Variants in RELN observed in about 807,000 individuals in gnomAD.
RELN encodes reelin.
Under a neutral mutation model 427.6 loss-of-function variants are expected in RELN, and 108 were observed. That is an observed-to-expected ratio of 0.25 (90% CI 0.22 to 0.30). The LOEUF (loss-of-function observed/expected upper bound fraction) is 0.30, where lower values mean the gene tolerates loss of function less well. Among genes scored for constraint, RELN ranks in the 10% least tolerant of loss-of-function variants. RELN has a pLI of 1.00. For missense variants in RELN, 3,715 were observed against 4,302.8 expected (o/e 0.86, Z 3.82); for synonymous variants, 1,524 against 1,513.4 (o/e 1.01, Z -0.16).
intron 1 of RELN, among the ~76,000 whole-genome samples, chr7:103,975,213 GACA>G (rs1401951864): frequency 2.6e-5 from 4 of 152,158 alleles, no homozygotes; most frequent in Non-Finnish European, 5.9e-5. Flanking sequence ...GCCACTTTCA[GACA>G]ACAATTTTAA....
At chr7:103,784,989 T>C (rs1026676158) in intron 3 of RELN, among the ~76,000 whole-genome samples, 1 of 152,118 alleles carries the variant, frequency 6.6e-6, no homozygotes, top group Non-Finnish European at 1.5e-5. Context: ...AGAAACACTA[T>C]GAAAAAGATG....
chr7:103,989,450 G>A lies in RELN; in HGVS notation c.-94C>T. 2 of 1,135,606 alleles carry A rather than the reference G, an allele frequency of 1.8e-6. No individual in the cohort carries two copies. Among genetic ancestry groups the A allele is most frequent in the Non-Finnish European group, 2.3e-6 (2 of 867,402 alleles). 70.3% of individuals were successfully genotyped at this position (1,135,606 alleles called of 1,614,324 possible). On this transcript the variant is annotated 5_prime_UTR_variant, in exon 1 of 65. Coordinates refer to ENST00000428762, the MANE Select transcript of RELN (RefSeq NM_005045.4). The surrounding 1 kb of genome is among the most constrained non-coding windows in gnomAD (Gnocchi z 4.9). ...GGACGGAGGAGCCACGCGGAGAGAA[G>A]GCGAGAAGAAGGCGGACGGGAGCGG...
intron 1 of RELN, among the ~76,000 whole-genome samples, chr7:103,955,329 T>A (rs1165463328): frequency 2.0e-5 from 3 of 152,236 alleles, no homozygotes; most frequent in African/African-American, 7.2e-5. Flanking sequence ...GATGTTTTAA[T>A]ATATTTCCAT....
intron 4 of RELN, among the ~76,000 whole-genome samples, chr7:103,767,035 T>C (rs1047073704): frequency 2.0e-5 from 3 of 152,230 alleles, no homozygotes; most frequent in Non-Finnish European, 4.4e-5. Context: ...TGCTAAATAA[T>C]CAATGTGTGT....
chr7:103,507,710 C>G (rs1220792782), intron 51 of RELN, among the ~76,000 whole-genome samples: 1 of 151,892 alleles, frequency 6.6e-6, no homozygotes, highest in East Asian at 1.9e-4. Context: ...GATAGAGACA[C>G]AAAATACCCT....
chr7:103,498,339 A>AC, intron 53 of RELN, 87 bp from the exon 54 acceptor site: 1 of 1,232,234 alleles, frequency 8.1e-7, no homozygotes, highest in African/African-American at 1.5e-5. Context: ...GATGTCTTGG[A>AC]CTTAAAAAAA....
At chr7:103,797,447 C>A (rs1196781539) in intron 3 of RELN, among the ~76,000 whole-genome samples, 1 of 152,122 alleles carries the variant, frequency 6.6e-6, no homozygotes, top group Non-Finnish European at 1.5e-5. Flanking sequence ...AAGATTAGAA[C>A]AATGCCAAGA....
At chr7:103,741,814 A>G (rs1424636676) in intron 6 of RELN, among the ~76,000 whole-genome samples, 2 of 152,184 alleles carry the variant, frequency 1.3e-5, no homozygotes, top group South Asian at 2.1e-4. Flanking sequence ...GGGGGAGAAG[A>G]GCCAAGATGG....
At chr7:103,987,550 C>T (rs979788415) in intron 1 of RELN, among the ~76,000 whole-genome samples, 10 of 152,260 alleles carry the variant, frequency 6.6e-5, no homozygotes, top group African/African-American at 2.4e-4. Flanking sequence ...GACAGTCACG[C>T]CTTTGAGACC....
At chr7:103,734,873 C>T (rs2115973248) in intron 6 of RELN, among the ~76,000 whole-genome samples, 1 of 152,144 alleles carries the variant, frequency 6.6e-6, no homozygotes, top group Non-Finnish European at 1.5e-5. Flanking sequence ...ACTGTTTTTT[C>T]AATTATAGGG....
At chr7:103,630,255 C>T in intron 19 of RELN, 79 bp from the exon 20 acceptor site, 2 of 976,308 alleles carry the variant, frequency 2.0e-6, no homozygotes, top group South Asian at 1.3e-5. Context: ...ATAGATTTCC[C>T]CTGAAGTATA....
At chr7:103,540,087 G>T in intron 44 of RELN, 110 bp downstream of exon 44, 2 of 1,244,554 alleles carry the variant, frequency 1.6e-6, no homozygotes, top group Non-Finnish European at 2.3e-6. Flanking sequence ...TCACTCAACT[G>T]TCAGTTCTGG....
intron 20 of RELN, chr7:103,628,056 AG>A (rs1425811592): frequency 6.6e-6 from 1 of 152,234 alleles, no homozygotes; most frequent in Non-Finnish European, 1.5e-5. Flanking sequence ...TAGAAGTGTT[AG>A]GAAAAAACTC....
At chr7:103,901,253 A>G (rs1353510299) in intron 2 of RELN, among the ~76,000 whole-genome samples, 1 of 152,092 alleles carries the variant, frequency 6.6e-6, no homozygotes, top group Non-Finnish European at 1.5e-5. Flanking sequence ...AACACAAAAA[A>G]GCAAATGTTG....
At chr7:103,717,338 T>C (rs1211803588) in intron 8 of RELN, among the ~76,000 whole-genome samples, 1 of 149,842 alleles carries the variant, frequency 6.7e-6, no homozygotes, top group Non-Finnish European at 1.5e-5. Context: ...TATATATATT[T>C]CATTTAAACT....
chr7:103,475,931 T>C (rs1562836359), intron 64 of RELN, among the ~76,000 whole-genome samples: 1 of 152,170 alleles, frequency 6.6e-6, no homozygotes, highest in Non-Finnish European at 1.5e-5. Context: ...TCTAATTTTT[T>C]TGGTAGAGAC....
intron 8 of RELN, among the ~76,000 whole-genome samples, chr7:103,705,444 T>C (rs1418160257): frequency 6.6e-6 from 1 of 152,232 alleles, no homozygotes. Flanking sequence ...TGTACTATGA[T>C]GAAGTAATGA....
At position 103,989,035 on chromosome 7, in the gene RELN, T is replaced by C. The variant is rs1463753062; in HGVS notation, c.226+96A>G. The C allele has an allele frequency of 4.4e-6, 5 of 1,133,318 alleles. No homozygotes were observed. In the East Asian group the frequency reaches 1.2e-4, roughly 27 times the overall value. The allele number at this position is 1,133,318 out of a possible 1,614,324, so 70.2% of individuals were successfully genotyped here. A position where few individuals can be genotyped will look rare whatever the true frequency, so the allele number is the denominator to read the frequency against. On this transcript the variant is annotated intron_variant, in intron 1 of 64. Coordinates refer to ENST00000428762, the MANE Select transcript of RELN (RefSeq NM_005045.4). This position sits in a 1 kb window ranked among gnomAD's most constrained non-coding sequence, Gnocchi z 4.9. ...CTGGGGCCAGGGTTGTCATGGTTCT[T>C]GTTTCCAAGGCCCCTTGGAAGAAGG...
Position 103,545,004 on chromosome 7 carries a change from C to G in RELN, c.6523+120G>C, listed in dbSNP as rs1830256396. ...AGAACTAAATGAATTCTTGGATGTT[C>G]ACAATTGAAATAATAATGAGATATT... On this transcript the variant is annotated intron_variant, in intron 42 of 64. Coordinates refer to ENST00000428762, the MANE Select transcript of RELN (RefSeq NM_005045.4). 5.0e-6 allele frequency: 4 copies of G among 796,816 alleles called. No individual in the cohort carries two copies. The South Asian group carries it at 6.0e-5, about 12-fold the overall frequency. The allele number at this position is 796,816 out of a possible 1,614,324, so 49.4% of individuals were successfully genotyped here. A position where few individuals can be genotyped will look rare whatever the true frequency, so the allele number is the denominator to read the frequency against.
Sources: gnomAD v4.1 joint callset for allele counts (sites outside exome capture counted in the v4.1 genomes callset) on GRCh38, gnomAD v4.1.1 for gene constraint, Gnocchi (gnomAD v3.1) non-coding constraint, MANE v1.5 for transcripts, NCBI Gene and HGNC (gene_info 2026-07-23, HGNC 2026-07-21) for gene names.